The following TTC27 variants were observed in gnomAD, a reference collection of about 807,000 sequenced individuals.
The protein encoded by TTC27 is tetratricopeptide repeat protein 27.
Under a neutral mutation model 115.9 loss-of-function variants are expected in TTC27, and 79 were observed. The observed-to-expected ratio is 0.68, with a 90% confidence interval of 0.57 to 0.82. The LOEUF is 0.82. Among genes scored for constraint, TTC27 ranks in the 40% least tolerant of loss-of-function variants. TTC27 has a pLI of 0.00. For missense variants in TTC27, 1,054 were observed against 993.1 expected (o/e 1.06, Z -0.82); for synonymous variants, 401 against 356.0 (o/e 1.13, Z -1.42).
At chr2:32,727,340 T>C (rs932640869) in intron 10 of TTC27, among the ~76,000 whole-genome samples, 1 of 152,242 alleles carries the variant, frequency 6.6e-6, no homozygotes, top group African/African-American at 2.4e-5. Context: ...ACACAATCAG[T>C]ATTCAAAGTC....
At chr2:32,802,426 C>A (rs1670981357) in intron 16 of TTC27, among the ~76,000 whole-genome samples, 1 of 152,082 alleles carries the variant, frequency 6.6e-6, no homozygotes, top group African/African-American at 2.4e-5. Flanking sequence ...CCTATTATCA[C>A]CCCCATTTCT....
At chr2:32,732,595 A>G (rs1458218532) in intron 10 of TTC27, among the ~76,000 whole-genome samples, 2 of 151,748 alleles carry the variant, frequency 1.3e-5, no homozygotes, top group South Asian at 4.2e-4. Flanking sequence ...CTTTTTTACT[A>G]TTTTTTGAAA....
intron 17 of TTC27, among the ~76,000 whole-genome samples, 184 bp downstream of exon 17, chr2:32,811,405 A>G (rs910939044): frequency 3.9e-5 from 6 of 152,202 alleles, no homozygotes; most frequent in Non-Finnish European, 7.3e-5. Context: ...AACTTGTAAC[A>G]TTCATCTTTT....
intron 10 of TTC27, among the ~76,000 whole-genome samples, chr2:32,707,936 G>A (rs535119682): frequency 6.6e-6 from 1 of 151,986 alleles, no homozygotes; most frequent in East Asian, 1.9e-4. Flanking sequence ...ATCTTGTAGT[G>A]CCAGGAAGTA....
intron 4 of TTC27, among the ~76,000 whole-genome samples, chr2:32,644,006 C>A (rs1052402416): frequency 6.6e-6 from 1 of 151,874 alleles, no homozygotes; most frequent in East Asian, 1.9e-4. Flanking sequence ...CACAGTGAAA[C>A]CCCGTTTCTA....
chr2:32,786,963 T>C, intron 15 of TTC27, 21 bp from the exon 16 acceptor site: 1 of 1,592,080 alleles, frequency 6.3e-7, no homozygotes, highest in Non-Finnish European at 8.5e-7. Flanking sequence ...ATTGCTCTCT[T>C]TAAAATTTGA....
intron 12 of TTC27, among the ~76,000 whole-genome samples, chr2:32,751,597 C>T (rs1290724421): frequency 1.3e-5 from 2 of 152,252 alleles, no homozygotes; most frequent in Non-Finnish European, 2.9e-5. Flanking sequence ...TTCATTAACC[C>T]AACCACTCAT....
At chr2:32,730,813 G>A (rs1668269126) in intron 10 of TTC27, among the ~76,000 whole-genome samples, 1 of 151,746 alleles carries the variant, frequency 6.6e-6, no homozygotes, top group Non-Finnish European at 1.5e-5. Flanking sequence ...GTAGAGATGG[G>A]GTTTCACCAT....
intron 9 of TTC27, among the ~76,000 whole-genome samples, chr2:32,688,534 G>T (rs1269779554): frequency 2.6e-5 from 4 of 152,056 alleles, no homozygotes; most frequent in Non-Finnish European, 5.9e-5. Context: ...TCTCACAAAA[G>T]ACTTTTACTT....
At chr2:32,769,389 A>C (rs1669751896) in intron 13 of TTC27, among the ~76,000 whole-genome samples, 1 of 152,228 alleles carries the variant, frequency 6.6e-6, no homozygotes, top group Non-Finnish European at 1.5e-5. Context: ...AGGAGAGTAA[A>C]GGGTGAGTGA....
chr2:32,663,688 T>G (rs536151172), intron 5 of TTC27, among the ~76,000 whole-genome samples: 2 of 152,032 alleles, frequency 1.3e-5, no homozygotes, highest in African/African-American at 4.8e-5. Context: ...ATGTATTTAT[T>G]TATTTATTTA....
chr2:32,808,528 C>T (rs1403201393), intron 16 of TTC27, among the ~76,000 whole-genome samples: 1 of 152,206 alleles, frequency 6.6e-6, no homozygotes, highest in East Asian at 1.9e-4. Context: ...ACAGTTCTAT[C>T]CCCTGTCTAC....
At chr2:32,661,340 A>G (rs1423308147) in intron 5 of TTC27, among the ~76,000 whole-genome samples, 1 of 152,172 alleles carries the variant, frequency 6.6e-6, no homozygotes, top group East Asian at 1.9e-4. Flanking sequence ...ATAGCATTGA[A>G]TCTATAAATT....
intron 5 of TTC27, among the ~76,000 whole-genome samples, chr2:32,656,138 A>C (rs1455401730): frequency 6.6e-6 from 1 of 151,848 alleles, no homozygotes; most frequent in East Asian, 1.9e-4. Context: ...TCCCAGTTTT[A>C]TCTTTGGCCT....
intron 15 of TTC27, among the ~76,000 whole-genome samples, chr2:32,786,486 T>A (rs946757253): frequency 2.0e-4 from 30 of 152,320 alleles, no homozygotes; most frequent in African/African-American, 6.7e-4. Flanking sequence ...GTTGACTAGT[T>A]TTGTTGACTG....
In TTC27 at chr2:32,817,462, A is replaced by G; in HGVS notation, c.2314A>G (p.Ile772Val). Residue 772 changes from isoleucine (I) to valine (V), a missense_variant, in exon 19 of 20, where the codon ATA (isoleucine) becomes GTA (valine). By Grantham distance (29) the Ile-to-Val change is conservative. Coordinates refer to ENST00000317907, the MANE Select transcript of TTC27 (RefSeq NM_017735.5). ...TCTCCATACTTATCTTCCAGTGGCCATAAAATGCAGTAAAAACAAATCCAG... is the reference window on the plus strand; with the variant it reads ...TCTCCATACTTATCTTCCAGTGGCCGTAAAATGCAGTAAAAACAAATCCAG... ...QRALGLAHVA[I>V]KCSKNKSSSQ... 1.9e-6 allele frequency: 3 copies of G among 1,613,924 alleles called. No homozygotes were observed. The highest frequency in any genetic ancestry group is 2.5e-6 in the Non-Finnish European group (3 of 1,179,856).
chr2:32,796,354 TGTTAA>T (rs1670701897), intron 16 of TTC27, among the ~76,000 whole-genome samples: 1 of 152,110 alleles, frequency 6.6e-6, no homozygotes, highest in Non-Finnish European at 1.5e-5. Context: ...AACTTAACAT[TGTTAA>T]GTTGTCAGTA....
At chr2:32,647,930 T>C (rs1664926995) in intron 4 of TTC27, among the ~76,000 whole-genome samples, 1 of 152,214 alleles carries the variant, frequency 6.6e-6, no homozygotes, top group South Asian at 2.1e-4. Context: ...TCATGTAATA[T>C]AATGTAAAGT....
chr2:32,707,428 C>T lies in TTC27; in HGVS notation c.1233+4508C>T, dbSNP rs138084608. ...AGGGTAGAGCCCCCACCTCCCACCACTGTTGCATCGGGCACCAAGTTGCCA... is the reference window on the plus strand; with the variant it reads ...AGGGTAGAGCCCCCACCTCCCACCATTGTTGCATCGGGCACCAAGTTGCCA... On this transcript the variant is annotated intron_variant, in intron 10 of 19. Coordinates refer to ENST00000317907, the MANE Select transcript of TTC27 (RefSeq NM_017735.5). Among the ~76,000 whole-genome samples the T allele has an allele frequency of 9.3e-3, 1,421 of 152,298 alleles. 11 individuals carry two copies. Among genetic ancestry groups the T allele is most frequent in the Middle Eastern group, 0.024 (7 of 294 alleles).
Sources: allele counts gnomAD v4.1 joint callset (sites outside exome capture counted in the v4.1 genomes callset), GRCh38; gene constraint gnomAD v4.1.1; transcripts MANE v1.5; gene names NCBI Gene and HGNC (gene_info 2026-07-23, HGNC 2026-07-21).